Variants in NAT10 observed in about 807,000 individuals in gnomAD.
NAT10 encodes RNA cytidine acetyltransferase.
A neutral mutation model predicts 132.2 loss-of-function variants in NAT10; 109 were observed. The observed-to-expected ratio is 0.82, with a 90% CI of 0.71 to 0.97. NAT10 has a LOEUF of 0.97. NAT10 is among the 50% of genes least tolerant of loss of function. The pLI is 0.00. For synonymous variants in NAT10, 479 were observed against 478.0 expected (o/e 1.00, Z -0.03); for missense variants, 1,184 against 1,263.4 (o/e 0.94, Z 0.95).
At chr11:34,128,887 C>G (rs1451270530) in intron 12 of NAT10, among the ~76,000 whole-genome samples, 1 of 152,090 alleles carries the variant, frequency 6.6e-6, no homozygotes, top group Admixed American at 6.5e-5. Flanking sequence ...TTTCTGTACC[C>G]ATAGATTTGC....
chr11:34,112,480 A>C (rs536869019), intron 4 of NAT10, among the ~76,000 whole-genome samples: 1 of 152,270 alleles, frequency 6.6e-6, no homozygotes, highest in South Asian at 2.1e-4. Context: ...ACGGGTTCTA[A>C]CTAGCTAAAG....
intron 11 of NAT10, among the ~76,000 whole-genome samples, chr11:34,125,539 T>C (rs754837138): frequency 6.6e-6 from 1 of 152,212 alleles, no homozygotes; most frequent in Non-Finnish European, 1.5e-5. Flanking sequence ...AGAAGAATAT[T>C]AGATAAAAGT....
At chr11:34,125,600 T>C (rs1851973827) in intron 11 of NAT10, among the ~76,000 whole-genome samples, 1 of 152,124 alleles carries the variant, frequency 6.6e-6, no homozygotes, top group Non-Finnish European at 1.5e-5. Flanking sequence ...ATGAGATGCT[T>C]GTTTAGTTTT....
intron 14 of NAT10, 117 bp downstream of exon 14, chr11:34,131,648 C>A: frequency 7.8e-4 from 609 of 782,640 alleles, no homozygotes; most frequent in Non-Finnish European, 1.0e-3. Context: ...GAAAGTTGAA[C>A]ATTTTCAATT....
intron 6 of NAT10, among the ~76,000 whole-genome samples, chr11:34,117,027 G>A (rs1010102290): frequency 3.3e-5 from 5 of 152,228 alleles, no homozygotes; most frequent in East Asian, 1.9e-4. Context: ...CACCGTGCCC[G>A]ATCATAGAAC....
chr11:34,122,771 C>T (rs1367648401), intron 9 of NAT10, among the ~76,000 whole-genome samples, 179 bp downstream of exon 9: 1 of 152,180 alleles, frequency 6.6e-6, no homozygotes, highest in East Asian at 1.9e-4. Flanking sequence ...TTCCCCAACC[C>T]ACCCTAAAGG....
intron 11 of NAT10, among the ~76,000 whole-genome samples, chr11:34,124,805 A>C (rs1185886796): frequency 6.6e-6 from 1 of 152,228 alleles, no homozygotes; most frequent in Non-Finnish European, 1.5e-5. Flanking sequence ...ATGTGCTCTG[A>C]ATCTTTGTGG....
intron 3 of NAT10, among the ~76,000 whole-genome samples, chr11:34,110,907 A>G (rs989705347): frequency 1.3e-5 from 2 of 152,186 alleles, no homozygotes; most frequent in Non-Finnish European, 2.9e-5. Context: ...GTCAGCATCT[A>G]GGTGTATCTT....
rs767544123 is a variant in NAT10 at position 34,118,472 on chromosome 11, T to G, written c.749T>G (p.Val250Gly). ...ESLQDTQPVG[V>G]LVDCCKTLDQ... ...TTGCAGGACACCCAGCCTGTGGGTG[T>G]GTTGGTGGACTGCTGTAAGACTCTA... The change falls in exon 8 of 29, where the codon GTG becomes GGG. Residue 250 changes from valine to glycine, a missense_variant. Val to Gly is a moderately radical substitution (Grantham distance 109). Coordinates refer to ENST00000257829, the MANE Select transcript of NAT10 (RefSeq NM_024662.3). The G allele has an allele frequency of 1.2e-6, 2 of 1,613,942 alleles. No homozygotes were observed. The highest frequency in any genetic ancestry group is 1.7e-6 in the Non-Finnish European group (2 of 1,179,976).
Position 34,135,207 on chromosome 11 carries a change from GC to G in NAT10, c.1945del (p.Gln649ArgfsTer25), listed in dbSNP as rs1303604415. On this transcript the variant is annotated frameshift_variant, in exon 19 of 29. Transcript: ENST00000257829. LOFTEE classifies it high-confidence loss of function. ...ATGGCAGCCGTGCTCTGCAGCTGCT[GC>G]AGATGTACTATGAAGGCAGGTTTCC... ...GYGSRALQLL[Q>X]MYYEGRFPCL... 6.2e-7 allele frequency: 1 copy of G among 1,614,174 alleles called. No individual in the cohort carries two copies. Among genetic ancestry groups the G allele is most frequent in the Non-Finnish European group, 8.5e-7 (1 of 1,180,016 alleles).
rs148152384 is a variant in NAT10 at position 34,134,427 on chromosome 11, G to C, written c.1836+7G>C. On this transcript the variant is annotated splice_region_variant and intron_variant, in intron 17 of 28. Coordinates refer to ENST00000257829, the MANE Select transcript of NAT10 (RefSeq NM_024662.3). ...ATGGACAGTGTCAGAACAGGTGACG[G>C]GCTTTCCCTGGTGTGTCTGAGGGAA... The C allele has an allele frequency of 3.2e-5, 51 of 1,614,106 alleles. No individual in the cohort carries two copies. Among genetic ancestry groups the C allele is most frequent in the Admixed American group, 1.8e-4 (11 of 60,020 alleles).
intron 5 of NAT10, 48 bp from the exon 6 acceptor site, chr11:34,115,775 A>C (rs779671729): frequency 1.3e-6 from 2 of 1,599,092 alleles, no homozygotes; most frequent in African/African-American, 2.7e-5. Context: ...CCTGGTCCTC[A>C]GCACTGTTTG....
In NAT10 at chr11:34,132,195, G is replaced by A. The variant is rs764375602; in HGVS notation, c.1591G>A (p.Ala531Thr). The stretch of plus-strand genomic sequence containing the variant: ...TGAAGTTTTCCTCCAACGGCTTATG[G>A]CCCTCTACGTGGCTTCTCACTACAA... Reference protein sequence around the residue: ...ASEVFLQRLMALYVASHYKNS... With the variant: ...ASEVFLQRLMTLYVASHYKNS... The change falls in exon 15 of 29, where the codon GCC becomes ACC. Residue 531 changes from alanine to threonine, a missense_variant. By Grantham distance (58) the Ala-to-Thr change is moderately conservative. Coordinates refer to ENST00000257829, the MANE Select transcript of NAT10 (RefSeq NM_024662.3). 4 of 1,614,046 alleles carry A rather than the reference G, an allele frequency of 2.5e-6. No individual in the cohort carries two copies. The East Asian group carries it at 8.9e-5, about 36-fold the overall frequency.
intron 11 of NAT10, 122 bp from the exon 12 acceptor site, chr11:34,127,341 T>G: frequency 1.8e-6 from 2 of 1,123,268 alleles, no homozygotes; most frequent in Admixed American, 4.6e-5. Context: ...AAAGGAGGAA[T>G]GAGAGGAGAG....
At chr11:34,133,991 A>T in intron 16 of NAT10, among the ~76,000 whole-genome samples, 1 of 147,028 alleles carries the variant, frequency 6.8e-6, no homozygotes, top group African/African-American at 2.6e-5. Flanking sequence ...TCTCTACTAA[A>T]AAAAAAAAAA....
At chr11:34,131,575 G>A (rs767722782) in intron 14 of NAT10, 44 bp downstream of exon 14, 2 of 1,559,238 alleles carry the variant, frequency 1.3e-6, no homozygotes, top group Non-Finnish European at 1.7e-6. Flanking sequence ...AAGGAGAGGG[G>A]CGGTGAAAGA....
At chr11:34,131,615 A>G in intron 14 of NAT10, 84 bp downstream of exon 14, 1 of 1,388,612 alleles carries the variant, frequency 7.2e-7, no homozygotes, top group Non-Finnish European at 9.7e-7. Flanking sequence ...TTTGTTTCAT[A>G]GGATGCTGCT....
At chr11:34,109,775 T>C (rs1437700776) in intron 3 of NAT10, among the ~76,000 whole-genome samples, 2 of 152,232 alleles carry the variant, frequency 1.3e-5, no homozygotes, top group African/African-American at 2.4e-5. Flanking sequence ...ACAGTACTAA[T>C]GCTCCCAGCT....
intron 12 of NAT10, among the ~76,000 whole-genome samples, chr11:34,129,185 CTA>C (rs1181358071): frequency 6.6e-6 from 1 of 152,182 alleles, no homozygotes; most frequent in Non-Finnish European, 1.5e-5. Flanking sequence ...TGGGCTAACT[CTA>C]TGTTAGACCA....
Sources: gnomAD v4.1 joint callset for allele counts (sites outside exome capture counted in the v4.1 genomes callset) on GRCh38, gnomAD v4.1.1 for gene constraint, MANE v1.5 for transcripts, NCBI Gene and HGNC (gene_info 2026-07-23, HGNC 2026-07-21) for gene names.